DLGAP2: variants seen among roughly 807,000 people sequenced by gnomAD.
DLGAP2 encodes the protein DLG associated protein 2.
DLGAP2 carries 26 observed loss-of-function variants against 100.3 expected under a neutral mutation model. That is an observed-to-expected ratio of 0.26 (90% CI 0.19 to 0.36). The LOEUF is 0.36. Ranked by LOEUF, DLGAP2 falls within the 10% of genes least tolerant of loss-of-function variation. The pLI, the probability that DLGAP2 is intolerant of heterozygous loss-of-function variation, is 1.00. For missense variants in DLGAP2, 1,858 were observed against 1,453.2 expected, an observed-to-expected ratio of 1.28 and a Z score of -4.53; for synonymous variants, 886 against 630.1, an observed-to-expected ratio of 1.41 and a Z score of -6.08.
At chr8:1,141,305 C>A (rs1796518659) in intron 2 of DLGAP2, among the ~76,000 whole-genome samples, 1 of 152,184 alleles carries the variant, frequency 6.6e-6, no homozygotes, top group Admixed American at 6.5e-5. Context: ...TTTTTAAATT[C>A]TGTAACTGGA....
At chr8:999,258 T>G (rs1223590610) in intron 2 of DLGAP2, among the ~76,000 whole-genome samples, 2 of 151,842 alleles carry the variant, frequency 1.3e-5, no homozygotes, top group African/African-American at 4.8e-5. Flanking sequence ...TCATTTGGTG[T>G]TGTCCTTTGC....
chr8:1,665,487 G>C (rs1798520148), intron 8 of DLGAP2, among the ~76,000 whole-genome samples: 1 of 152,158 alleles, frequency 6.6e-6, no homozygotes, highest in Non-Finnish European at 1.5e-5. Context: ...CAACCAATTT[G>C]GCGTGTTTAA....
chr8:990,363 G>C (rs6984845), intron 2 of DLGAP2, among the ~76,000 whole-genome samples: 2 of 44,828 alleles, frequency 4.5e-5, no homozygotes, highest in Non-Finnish European at 4.4e-5. Context: ...CTCCTTGCCC[G>C]GACCCCCTGC....
At chr8:1,194,415 A>T (rs1797706705) in intron 2 of DLGAP2, among the ~76,000 whole-genome samples, 1 of 152,138 alleles carries the variant, frequency 6.6e-6, no homozygotes, top group South Asian at 2.1e-4. Flanking sequence ...GTCTAGGCAG[A>T]GCTGGAGGCT....
At chr8:1,572,566 A>AG (rs1196727784) in intron 6 of DLGAP2, among the ~76,000 whole-genome samples, 7 of 48,432 alleles carry the variant, frequency 1.4e-4, no homozygotes, top group East Asian at 6.9e-4. Context: ...GAGAGGAGAG[A>AG]GGGTGAACTG....
At chr8:789,132 C>T (rs773720112) in intron 1 of DLGAP2, among the ~76,000 whole-genome samples, 2 of 152,182 alleles carry the variant, frequency 1.3e-5, no homozygotes, top group Non-Finnish European at 2.9e-5. Flanking sequence ...TTCTCCCTGT[C>T]TAGAGCTTGT....
chr8:1,100,211 G>A lies in DLGAP2; in HGVS notation c.74-158640G>A, dbSNP rs897395924. On this transcript the variant is annotated intron_variant, in intron 2 of 14. Transcript: ENST00000637795. ...GTCCAGCATGTCCACAGTGTACAGC[G>A]TGTGTAGGGAAAACCTTTGTCCAGC... 9.3e-5 allele frequency among the ~76,000 whole-genome samples: 14 copies of A among 150,088 alleles called. 2 individuals carry two copies. The South Asian group carries it at 2.6e-3, about 28-fold the overall frequency.
intron 3 of DLGAP2, among the ~76,000 whole-genome samples, chr8:1,310,056 C>T (rs1303592332): frequency 1.1e-4 from 10 of 94,098 alleles, no homozygotes; most frequent in Non-Finnish European, 1.6e-4. Context: ...AAGTCTCCAT[C>T]TCAAAAAAAA....
chr8:1,470,746 T>TCCTCCAG lies in DLGAP2; in HGVS notation c.107-30617_107-30616insCCAGCCT, dbSNP rs1563168370. Among the ~76,000 whole-genome samples the TCCTCCAG allele has an allele frequency of 3.7e-3, 16 of 4,364 alleles. 2 individuals are homozygous for TCCTCCAG. The highest frequency in any genetic ancestry group is 8.3e-3 in the Admixed American group (3 of 360). 2.9% of individuals were successfully genotyped at this position (4,364 alleles called of 152,430 possible). A position where few individuals can be genotyped will look rare whatever the true frequency, so the allele number is the denominator to read the frequency against. On this transcript the variant is annotated intron_variant, in intron 3 of 14. Transcript: ENST00000637795. ...CGACCACGGCCTCCCCTTCCCCGAC[T>TCCTCCAG]CCTTCCCCGACTCCTCCAGCCTTTC...
intron 2 of DLGAP2, among the ~76,000 whole-genome samples, chr8:1,187,716 A>C (rs555716718): frequency 0.039 from 4,754 of 122,128 alleles, 306 homozygotes; most frequent in African/African-American, 0.18. Context: ...CGTTTCCCTC[A>C]CGGAATCTCA....
chr8:994,140 A>G (rs886959152), intron 2 of DLGAP2, among the ~76,000 whole-genome samples: 6 of 152,164 alleles, frequency 3.9e-5, no homozygotes, highest in African/African-American at 9.7e-5. Context: ...AGTGATTATT[A>G]TTGGGGAGTT....
At chr8:1,308,515 G>T (rs1486592524) in intron 3 of DLGAP2, among the ~76,000 whole-genome samples, 2 of 152,112 alleles carry the variant, frequency 1.3e-5, no homozygotes, top group African/African-American at 4.8e-5. Flanking sequence ...GACAACAAAA[G>T]AAATCTTTTT....
intron 3 of DLGAP2, among the ~76,000 whole-genome samples, chr8:1,308,082 G>A (rs58347888): frequency 2.6e-5 from 4 of 152,184 alleles, no homozygotes; most frequent in African/African-American, 9.7e-5. Flanking sequence ...CCAGGTCAAT[G>A]TGCGTGTTCA....
At chr8:1,194,567 G>T (rs1295463479) in intron 2 of DLGAP2, among the ~76,000 whole-genome samples, 3 of 152,192 alleles carry the variant, frequency 2.0e-5, no homozygotes, top group Non-Finnish European at 4.4e-5. Context: ...TTCAGGACCA[G>T]TCAGGAAGCC....
At chr8:892,247 C>T (rs951401798) in intron 1 of DLGAP2, among the ~76,000 whole-genome samples, 3 of 152,208 alleles carry the variant, frequency 2.0e-5, no homozygotes, top group East Asian at 3.9e-4. Flanking sequence ...AGCCCCTGCA[C>T]ACCCAGGCTC....
At chr8:1,188,950 GTTGGGGTTGA>G (rs2116723519) in intron 2 of DLGAP2, among the ~76,000 whole-genome samples, 1 of 152,184 alleles carries the variant, frequency 6.6e-6, no homozygotes, top group Admixed American at 6.5e-5. Flanking sequence ...CGGTTCCGCG[GTTGGGGTTGA>G]CCGTACACAG....
At chr8:1,410,088 G>T (rs1051815078) in intron 3 of DLGAP2, among the ~76,000 whole-genome samples, 3 of 152,192 alleles carry the variant, frequency 2.0e-5, no homozygotes, top group African/African-American at 7.2e-5. Flanking sequence ...AAGCCAAGCG[G>T]TGTCCTCCCC....
At chr8:1,384,417 G>A (rs549131259) in intron 3 of DLGAP2, among the ~76,000 whole-genome samples, 2 of 92,832 alleles carry the variant, frequency 2.2e-5, no homozygotes, top group Non-Finnish European at 4.8e-5. Flanking sequence ...CAGTTACCCC[G>A]GCCTGTGCCC....
intron 1 of DLGAP2, among the ~76,000 whole-genome samples, chr8:880,094 T>A (rs1285797203): frequency 6.6e-6 from 1 of 152,190 alleles, no homozygotes; most frequent in Non-Finnish European, 1.5e-5. Flanking sequence ...AGAACTGGTC[T>A]TTCCTTTGAG....
Sources: allele counts gnomAD v4.1 joint callset (sites outside exome capture counted in the v4.1 genomes callset), GRCh38; gene constraint gnomAD v4.1.1; transcripts MANE v1.5; gene names NCBI Gene and HGNC (gene_info 2026-07-23, HGNC 2026-07-21).